The following RB1 variants were observed in gnomAD, a reference collection of about 807,000 sequenced individuals.
RB1 encodes the protein RB transcriptional corepressor 1.
A neutral mutation model predicts 135.4 loss-of-function variants in RB1; 18 were observed. The observed-to-expected ratio is 0.13, with a 90% confidence interval of 0.09 to 0.20. RB1 has a LOEUF of 0.20. Among genes scored for constraint, RB1 ranks in the 10% least tolerant of loss-of-function variants. RB1 has a pLI of 1.00. For synonymous variants in RB1, 365 were observed against 373.2 expected (o/e 0.98, Z 0.25); for missense variants, 868 against 1,110.0 (o/e 0.78, Z 3.10).
chr13:48,448,829 T>C (rs1949307284), intron 17 of RB1, among the ~76,000 whole-genome samples: 1 of 152,186 alleles, frequency 6.6e-6, no homozygotes, highest in Admixed American at 6.5e-5. Flanking sequence ...TCCTGCAAAA[T>C]GAGTGCTGTA....
At chr13:48,318,501 G>T in intron 2 of RB1, 1 of 1,102,874 alleles carries the variant, frequency 9.1e-7, no homozygotes, top group Non-Finnish European at 1.3e-6. Context: ...CTGGCCCTGC[G>T]TCATGCGAGT....
chr13:48,380,451 A>G (rs1324782967), intron 16 of RB1, among the ~76,000 whole-genome samples: 1 of 152,148 alleles, frequency 6.6e-6, no homozygotes, highest in Admixed American at 6.5e-5. Context: ...ATAATATTTC[A>G]CTAGGCTTCT....
intron 17 of RB1, among the ~76,000 whole-genome samples, chr13:48,396,969 G>A (rs1948653692): frequency 6.6e-6 from 1 of 152,192 alleles, no homozygotes; most frequent in South Asian, 2.1e-4. Context: ...CAGTTAGAAT[G>A]GTGATCATTA....
chr13:48,356,115 A>G (rs1188388665), intron 6 of RB1, among the ~76,000 whole-genome samples: 4 of 152,092 alleles, frequency 2.6e-5, no homozygotes. Context: ...TGGATACCCC[A>G]TTCTGCATAA....
intron 16 of RB1, among the ~76,000 whole-genome samples, chr13:48,380,859 A>G (rs1041901782): frequency 6.6e-6 from 1 of 152,166 alleles, no homozygotes; most frequent in Admixed American, 6.6e-5. Context: ...GCATATTTTA[A>G]TGAGATACCA....
rs772641207 is a variant in RB1, at chr13:48,347,821, T to C, written c.501-4T>C. The stretch of plus-strand genomic sequence containing the variant: ...TTAAAAAGTCATAATGTTTTTCTTT[T>C]CAGGACATGTGAACTTATATATTTG... On this transcript the variant is annotated splice_polypyrimidine_tract_variant and splice_region_variant and intron_variant, in intron 4 of 26. Coordinates refer to ENST00000267163, the MANE Select transcript of RB1 (RefSeq NM_000321.3). 1 of 1,584,158 alleles carries C rather than the reference T, an allele frequency of 6.3e-7. No individual in the cohort carries two copies.
Position 48,418,557 on chromosome 13 carries a change from G to A in RB1, c.1696-34436G>A, listed in dbSNP as rs954468008. On this transcript the variant is annotated intron_variant, in intron 17 of 26. Transcript: ENST00000267163. ...AACAATATTAACCTTAAAAGTAAAC[G>A]GGCTAAGTGCCACAATTAAAAGACA... is the stretch of plus-strand genomic sequence containing the variant. Among the ~76,000 whole-genome samples the A allele has an allele frequency of 9.2e-5, 14 of 151,998 alleles. No homozygotes were observed. In the East Asian group the frequency reaches 9.7e-4, roughly 10 times the overall value.
chr13:48,368,599 A>G lies in RB1; in HGVS notation c.1122A>G (p.Pro374=), dbSNP rs1193800286. 2 of 1,612,984 alleles carry G rather than the reference A, an allele frequency of 1.2e-6. No homozygotes were observed. The highest frequency in any genetic ancestry group is 2.2e-5 in the East Asian group (1 of 44,694). ...TGAATGTAATTCCTCCACACACTCC[A>G]GTTAGGTATGAATTTTCCTACTTTT... ...EEVNVIPPHT[P]VRTVMNTIQQ... Residue 374 remains proline, a synonymous_variant, in exon 11 of 27, where the codon CCA becomes CCG. Coordinates refer to ENST00000267163, the MANE Select transcript of RB1 (RefSeq NM_000321.3).
At chr13:48,304,073 C>T (rs1487149234) in intron 1 of RB1, 24 bp downstream of exon 1, 11 of 1,400,290 alleles carry the variant, frequency 7.9e-6, no homozygotes, top group Non-Finnish European at 1.0e-5. Context: ...GCCGCCGTCG[C>T]CTCACGCGGG....
At chr13:48,315,909 G>A (rs558383724) in intron 2 of RB1, among the ~76,000 whole-genome samples, 1 of 151,480 alleles carries the variant, frequency 6.6e-6, no homozygotes, top group Admixed American at 6.6e-5. Flanking sequence ...CTAGTTCTTT[G>A]AGAAATCCTC....
At chr13:48,413,771 T>C (rs1948859172) in intron 17 of RB1, among the ~76,000 whole-genome samples, 1 of 152,172 alleles carries the variant, frequency 6.6e-6, no homozygotes, top group African/African-American at 2.4e-5. Flanking sequence ...AACTCAAGAA[T>C]GTTTATCTTT....
chr13:48,380,033 T>G lies in RB1; in HGVS notation c.1390-20T>G. Reference sequence around the variant, plus strand: ...TCAATTAAACAACTTCTTTTTTTTTTTTTAAATTATCTGTTTCAGGAAGAA... The same window carrying G: ...TCAATTAAACAACTTCTTTTTTTTTGTTTAAATTATCTGTTTCAGGAAGAA... On this transcript the variant is annotated intron_variant, in intron 14 of 26. Transcript: ENST00000267163. 2 of 1,309,072 alleles carry G rather than the reference T, an allele frequency of 1.5e-6. No homozygotes were observed. Among genetic ancestry groups the G allele is most frequent in the Non-Finnish European group, 2.1e-6 (2 of 964,558 alleles). The allele number at this position is 1,309,072 out of a possible 1,614,324, so 81.1% of individuals were successfully genotyped here.
intron 24 of RB1, among the ~76,000 whole-genome samples, chr13:48,474,526 A>T (rs1211037535): frequency 1.3e-5 from 2 of 152,178 alleles, no homozygotes; most frequent in African/African-American, 4.8e-5. Context: ...ACTCATTATG[A>T]GTGTGATTTG....
chr13:48,456,560 C>T (rs1472570128), intron 19 of RB1, among the ~76,000 whole-genome samples: 60 of 152,174 alleles, frequency 3.9e-4, no homozygotes, highest in East Asian at 1.9e-4. Flanking sequence ...CCTCTGTGAC[C>T]GGTGGCGCCC....
chr13:48,410,076 C>T (rs542440892), intron 17 of RB1, among the ~76,000 whole-genome samples: 28 of 152,124 alleles, frequency 1.8e-4, no homozygotes, highest in East Asian at 1.7e-3. Flanking sequence ...ATCATTTTGA[C>T]GTACAATAAC....
intron 17 of RB1, among the ~76,000 whole-genome samples, chr13:48,395,154 G>T (rs572003488): frequency 2.0e-5 from 3 of 152,302 alleles, no homozygotes; most frequent in South Asian, 2.1e-4. Context: ...CAGCAGAGGG[G>T]CCTGACTGTT....
chr13:48,375,827 C>T (rs1952816095), intron 12 of RB1, among the ~76,000 whole-genome samples: 1 of 151,792 alleles, frequency 6.6e-6, no homozygotes, highest in African/African-American at 2.4e-5. Flanking sequence ...GATCTGCTCA[C>T]TTCAGTTTTC....
At chr13:48,304,138 G>C in intron 1 of RB1, 89 bp downstream of exon 1, 1 of 1,278,782 alleles carries the variant, frequency 7.8e-7, no homozygotes, top group East Asian at 3.2e-5. Flanking sequence ...GCGGGGATCC[G>C]TCCTCGCCAG....
intron 23 of RB1, among the ~76,000 whole-genome samples, chr13:48,472,911 G>A (rs1311473846): frequency 2.0e-5 from 3 of 152,098 alleles, no homozygotes; most frequent in Admixed American, 2.0e-4. Context: ...CTGACTCTAT[G>A]ATATATGATA....
Sources: allele counts gnomAD v4.1 joint callset (sites outside exome capture counted in the v4.1 genomes callset), GRCh38; gene constraint gnomAD v4.1.1; transcripts MANE v1.5; gene names NCBI Gene and HGNC (gene_info 2026-07-23, HGNC 2026-07-21).